The following BBS2 variants were observed in gnomAD, a reference collection of about 807,000 sequenced individuals.
BBS2 encodes the protein BBSome complex member BBS2.
BBS2 carries 62 observed loss-of-function variants against 83.0 expected under a neutral mutation model. That is an observed-to-expected ratio of 0.75 (90% CI 0.61 to 0.92). The LOEUF (loss-of-function observed/expected upper bound fraction) is 0.92, where lower values mean the gene tolerates loss of function less well. Ranked by LOEUF, BBS2 falls within the 40% of genes least tolerant of loss-of-function variation. BBS2 has a pLI of 0.00. For missense variants in BBS2, 784 were observed against 901.0 expected (o/e 0.87, Z 1.66); for synonymous variants, 303 against 326.1 (o/e 0.93, Z 0.76).
chr16:56,519,698 T>C, intron 1 of BBS2, 48 bp downstream of exon 1: 1 of 1,478,072 alleles, frequency 6.8e-7, no homozygotes. Flanking sequence ...CCGGCGGAGA[T>C]CCTGTGGTTC....
chr16:56,497,249 T>A (rs1317901761), intron 14 of BBS2, 170 bp from the exon 15 acceptor site: 5 of 662,608 alleles, frequency 7.5e-6, no homozygotes, highest in African/African-American at 5.3e-5. Context: ...AGTTAACTCA[T>A]CTGTGCTGCC....
Position 56,499,914 on chromosome 16 carries a change from C to A in BBS2, c.1398-7G>T, listed in dbSNP as rs2144139575. 17 of 1,613,792 alleles carry A rather than the reference C, an allele frequency of 1.1e-5. No homozygotes were observed. Among genetic ancestry groups the A allele is most frequent in the Non-Finnish European group, 1.3e-5 (15 of 1,179,850 alleles). On this transcript the variant is annotated splice_polypyrimidine_tract_variant and splice_region_variant and intron_variant, in intron 11 of 16. Transcript: ENST00000245157. Reference sequence around the variant, plus strand: ...AAATACATGAAACTGGGTGCTATGGCCAATCAATGAAACACAAGAGAATTG... The same window carrying A: ...AAATACATGAAACTGGGTGCTATGGACAATCAATGAAACACAAGAGAATTG...
At chr16:56,478,666 A>G (rs1379327079) in intron 17 of BBS2, 6 of 152,340 alleles carry the variant, frequency 3.9e-5, no homozygotes, top group African/African-American at 1.2e-4. Context: ...CAATTTTCCA[A>G]TTCTGGAAAG....
chr16:56,474,445 C>T (rs905082476), intron 17 of BBS2, among the ~76,000 whole-genome samples: 1 of 151,720 alleles, frequency 6.6e-6, no homozygotes, highest in Non-Finnish European at 1.5e-5. Flanking sequence ...CTTAAGCCTC[C>T]CGGGTAGCTG....
rs757521927 is a variant in BBS2, at chr16:56,500,967, G to A, written c.1284C>T (p.His428=). ...FAEGIFTGES[H]VVHPSIHNLS... ...GGTTGTGAATGCTGGGATGTACCAC[G>A]TGGCTTTCACCTGTAAAAATTCCTT... The change falls in exon 11 of 17, where the codon CAC becomes CAT. Residue 428 remains histidine (H), a synonymous_variant. Coordinates refer to ENST00000245157, the MANE Select transcript of BBS2 (RefSeq NM_031885.5). The A allele has an allele frequency of 1.4e-5, 22 of 1,613,978 alleles. No individual in the cohort carries two copies. The East Asian group carries it at 2.9e-4, about 21-fold the overall frequency.
chr16:56,502,687 G>A lies in BBS2; in HGVS notation c.926C>T (p.Ser309Leu). The A allele has an allele frequency of 6.2e-7, 1 of 1,614,060 alleles. No homozygotes were observed. Among genetic ancestry groups the A allele is most frequent in the Non-Finnish European group, 8.5e-7 (1 of 1,180,014 alleles). ...TCCCAATTTACTTTCCCCATCCACT[G>A]AGCAGCAGATTAACTGTATGTGGCC... ...MDGHIQLICC[S>L]VDGEIRGYLP... Residue 309 changes from serine to leucine, a missense_variant, in exon 8 of 17, where the codon TCA becomes TTA. Coordinates refer to ENST00000245157, the MANE Select transcript of BBS2 (RefSeq NM_031885.5).
At chr16:56,473,726 T>C (rs1395402626) in intron 17 of BBS2, among the ~76,000 whole-genome samples, 2 of 152,208 alleles carry the variant, frequency 1.3e-5, no homozygotes, top group Non-Finnish European at 2.9e-5. Context: ...ATGAGTTGCC[T>C]GTCATTACCT....
At chr16:56,483,267 AC>A (rs1567562795), downstream of BBS2, among the ~76,000 whole-genome samples, 1 of 152,202 alleles carries the variant, frequency 6.6e-6, no homozygotes, top group Non-Finnish European at 1.5e-5. Flanking sequence ...TCTTATGGTG[AC>A]CTAAACTTCA....
At chr16:56,508,324 C>T (rs1964480504) in intron 5 of BBS2, among the ~76,000 whole-genome samples, 1 of 152,064 alleles carries the variant, frequency 6.6e-6, no homozygotes. Flanking sequence ...AGACTAGTGC[C>T]CTCGAGCTTT....
chr16:56,474,316 AC>A (rs1963349660), intron 17 of BBS2, among the ~76,000 whole-genome samples: 2 of 146,456 alleles, frequency 1.4e-5, no homozygotes, highest in Admixed American at 1.4e-4. Context: ...TCAAAATTCA[AC>A]TTTTTTTTTT....
chr16:56,499,048 T>C (rs1002222678), intron 12 of BBS2: 4 of 243,854 alleles, frequency 1.6e-5, no homozygotes, highest in South Asian at 5.0e-5. Flanking sequence ...AAGGAAAATA[T>C]AAGTTTTAAT....
intron 17 of BBS2, chr16:56,478,869 A>C (rs1417132621): frequency 6.6e-6 from 1 of 152,220 alleles, no homozygotes; most frequent in Non-Finnish European, 1.5e-5. Flanking sequence ...CATCTACAGC[A>C]GCACCTCTTA....
At chr16:56,517,412 G>GCACC (rs1964782040) in intron 1 of BBS2, among the ~76,000 whole-genome samples, 1 of 152,178 alleles carries the variant, frequency 6.6e-6, no homozygotes, top group Non-Finnish European at 1.5e-5. Context: ...CAAGGCCCTT[G>GCACC]CACCTGCAGA....
chr16:56,514,534 G>C lies in BBS2; in HGVS notation c.264C>G (p.Gly88=). Residue 88 remains glycine, a synonymous_variant, in exon 2 of 17, where the codon GGC becomes GGG. Transcript: ENST00000245157. ...GTGTCCCCACTAAAAGGGCATCATAGCCAAGCTCAGGGTTCAATACGCCTG... is the reference window on the plus strand; with the variant it reads ...GTGTCCCCACTAAAAGGGCATCATACCCAAGCTCAGGGTTCAATACGCCTG... ...LTAGVLNPEL[G]YDALLVGTQT... is the part of the protein sequence containing the mutation. 1 of 1,614,168 alleles carries C rather than the reference G, an allele frequency of 6.2e-7. No individual in the cohort carries two copies. Among genetic ancestry groups the C allele is most frequent in the Admixed American group, 1.7e-5 (1 of 60,030 alleles).
chr16:56,509,926 G>A (rs757851039), intron 5 of BBS2, 31 bp downstream of exon 5: 1 of 1,608,634 alleles, frequency 6.2e-7, no homozygotes, highest in Non-Finnish European at 8.5e-7. Context: ...TCTTGCTCAA[G>A]GTTACCATAG....
At chr16:56,500,324 A>G (rs762627951) in intron 11 of BBS2, 15 of 263,662 alleles carry the variant, frequency 5.7e-5, no homozygotes, top group Middle Eastern at 1.4e-3. Context: ...ACCTGACTAA[A>G]AACAGAAAAT....
chr16:56,516,792 A>C (rs1964764491), intron 1 of BBS2, among the ~76,000 whole-genome samples: 1 of 152,212 alleles, frequency 6.6e-6, no homozygotes, highest in African/African-American at 2.4e-5. Flanking sequence ...GTTTCTAGAC[A>C]TGCAGGCTTT....
intron 15 of BBS2, among the ~76,000 whole-genome samples, chr16:56,489,944 C>T (rs1963892742): frequency 6.6e-6 from 1 of 151,692 alleles, no homozygotes; most frequent in African/African-American, 2.4e-5. Flanking sequence ...GGCAACAGAG[C>T]GAGACCCTGG....
intron 15 of BBS2, among the ~76,000 whole-genome samples, chr16:56,487,790 G>A (rs1451954099): frequency 6.6e-6 from 1 of 152,094 alleles, no homozygotes; most frequent in Non-Finnish European, 1.5e-5. Flanking sequence ...CAAGTAGCTA[G>A]GAAAAACCAT....
Sources: gnomAD v4.1 joint callset for allele counts (sites outside exome capture counted in the v4.1 genomes callset) on GRCh38, gnomAD v4.1.1 for gene constraint, MANE v1.5 for transcripts, NCBI Gene and HGNC (gene_info 2026-07-23, HGNC 2026-07-21) for gene names.